Variants in TMEM132B observed in about 807,000 individuals in gnomAD.
The protein encoded by TMEM132B is transmembrane protein 132B.
A neutral mutation model predicts 90.8 loss-of-function variants in TMEM132B; 18 were observed. The ratio of observed to expected loss-of-function variants is 0.20; its 90% CI spans 0.14 to 0.29. TMEM132B has a LOEUF of 0.29. Among genes scored for constraint, TMEM132B ranks in the 10% least tolerant of loss-of-function variants. The probability of loss-of-function intolerance (pLI) is 1.00; values close to 1 mark genes in which losing one functional copy is unlikely to be tolerated. For missense variants in TMEM132B, 1,096 were observed against 1,326.8 expected (o/e 0.83, Z 2.70); for synonymous variants, 504 against 523.3 (o/e 0.96, Z 0.50).
chr12:125,623,474 T>C (rs550829507), intron 5 of TMEM132B, among the ~76,000 whole-genome samples: 1 of 152,120 alleles, frequency 6.6e-6, no homozygotes, highest in South Asian at 2.1e-4. Flanking sequence ...CCAAGCAGAT[T>C]CCAGAGATTG....
intron 3 of TMEM132B, among the ~76,000 whole-genome samples, chr12:125,486,183 A>C (rs950674182): frequency 1.3e-5 from 2 of 152,224 alleles, no homozygotes; most frequent in African/African-American, 4.8e-5. Flanking sequence ...GATCTTGGTG[A>C]AGAGACAGCC....
chr12:125,475,405 C>T (rs1485924053), intron 3 of TMEM132B, among the ~76,000 whole-genome samples: 1 of 152,056 alleles, frequency 6.6e-6, no homozygotes, highest in African/African-American at 2.4e-5. Flanking sequence ...TTGAAGGATG[C>T]AAAGTATTGA....
rs772460682 is a variant in TMEM132B at position 125,655,837 on chromosome 12, A to G, written c.*1127A>G. The G allele has an allele frequency of 6.6e-6, 1 of 152,134 alleles. No homozygotes were observed. The highest frequency in any genetic ancestry group is 1.5e-5 in the Non-Finnish European group (1 of 68,032). 9.4% of individuals were successfully genotyped at this position (152,134 alleles called of 1,614,324 possible). ...TAGAATGACAGTTCAAGTTAGCAATATATAGAAATCCATCCATACAATGAC... is the reference window on the plus strand; with the variant it reads ...TAGAATGACAGTTCAAGTTAGCAATGTATAGAAATCCATCCATACAATGAC... On this transcript the variant is annotated 3_prime_UTR_variant, in exon 9 of 9. Transcript: ENST00000682704.
At position 125,536,003 on chromosome 12, in the gene TMEM132B, A is replaced by G. The variant is rs2136710036; in HGVS notation, c.1293+16378A>G. ...GGCTGTTAAGAATTCCCCCATGAAA[A>G]GCAGCCACAACAAGCCAGGATTGCT... On this transcript the variant is annotated intron_variant, in intron 4 of 8. Transcript: ENST00000682704. Among the ~76,000 whole-genome samples the G allele has an allele frequency of 1.3e-5, 2 of 152,320 alleles. 1 individual carries two copies. Among genetic ancestry groups the G allele is most frequent in the Middle Eastern group, 6.8e-3 (2 of 292 alleles).
intron 3 of TMEM132B, among the ~76,000 whole-genome samples, chr12:125,487,969 C>T (rs1485079687): frequency 6.6e-6 from 1 of 152,066 alleles, no homozygotes; most frequent in African/African-American, 2.4e-5. Flanking sequence ...TTTGTCTCTT[C>T]CATTGTAAAC....
At chr12:125,456,541 G>T in intron 3 of TMEM132B, among the ~76,000 whole-genome samples, 1 of 152,222 alleles carries the variant, frequency 6.6e-6, no homozygotes, top group East Asian at 1.9e-4. Flanking sequence ...GTGGGGCTTT[G>T]CCTGCTGAGG....
intron 1 of TMEM132B, among the ~76,000 whole-genome samples, chr12:125,342,815 C>T (rs1053019212): frequency 6.6e-5 from 10 of 152,240 alleles, no homozygotes; most frequent in African/African-American, 1.4e-4. Flanking sequence ...GCCTGATGAC[C>T]GGCTGCCACT....
intron 1 of TMEM132B, among the ~76,000 whole-genome samples, chr12:125,266,704 A>G (rs1016943629): frequency 6.6e-6 from 1 of 152,200 alleles, no homozygotes; most frequent in African/African-American, 2.4e-5. Flanking sequence ...TTTTCTTTTG[A>G]TACTTCAATG....
At chr12:125,325,054 T>C (rs1487340886) in intron 1 of TMEM132B, among the ~76,000 whole-genome samples, 1 of 152,234 alleles carries the variant, frequency 6.6e-6, no homozygotes, top group East Asian at 1.9e-4. Context: ...TCCACTGAGA[T>C]AGCTGATAAC....
intron 5 of TMEM132B, among the ~76,000 whole-genome samples, chr12:125,612,567 T>C (rs890848681): frequency 6.9e-6 from 1 of 145,038 alleles, no homozygotes; most frequent in Non-Finnish European, 1.5e-5. Flanking sequence ...ATATATATAA[T>C]ATATATAAAA....
intron 2 of TMEM132B, among the ~76,000 whole-genome samples, chr12:125,362,007 G>A (rs761383001): frequency 1.3e-5 from 2 of 152,198 alleles, no homozygotes; most frequent in Non-Finnish European, 2.9e-5. Context: ...GATATGCCAT[G>A]GCCTTAGCCC....
chr12:125,208,180 G>T (rs985186501), intron 1 of TMEM132B, among the ~76,000 whole-genome samples: 4 of 152,204 alleles, frequency 2.6e-5, no homozygotes, highest in African/African-American at 9.6e-5. Context: ...GGCATGTCTG[G>T]TGTAACTAGT....
At chr12:125,564,639 T>A (rs1016414522) in intron 4 of TMEM132B, among the ~76,000 whole-genome samples, 4 of 152,248 alleles carry the variant, frequency 2.6e-5, no homozygotes, top group African/African-American at 9.6e-5. Flanking sequence ...TTCGATCTTT[T>A]CTTTTCAAGG....
chr12:125,312,281 G>A (rs1876142003), intron 1 of TMEM132B, among the ~76,000 whole-genome samples: 3 of 152,164 alleles, frequency 2.0e-5, no homozygotes, highest in Admixed American at 6.5e-5. Context: ...TCATCCCATC[G>A]TTGCCCAGCA....
At chr12:125,510,427 C>T (rs1008447428) in intron 3 of TMEM132B, among the ~76,000 whole-genome samples, 3 of 151,938 alleles carry the variant, frequency 2.0e-5, no homozygotes, top group Non-Finnish European at 2.9e-5. Flanking sequence ...ATGGGTTGGC[C>T]GACTGATTAT....
At chr12:125,281,496 T>C (rs1333400276) in intron 1 of TMEM132B, among the ~76,000 whole-genome samples, 2 of 152,204 alleles carry the variant, frequency 1.3e-5, no homozygotes, top group African/African-American at 2.4e-5. Context: ...TCTTGCTTTC[T>C]GTGTTTGAGC....
chr12:125,314,114 G>GTT (rs1312339921), intron 1 of TMEM132B, among the ~76,000 whole-genome samples: 137 of 152,270 alleles, frequency 9.0e-4, no homozygotes, highest in African/African-American at 3.0e-3. Flanking sequence ...TGTGTGCAGA[G>GTT]AGCTTAGCTG....
chr12:125,479,018 A>G lies in TMEM132B; in HGVS notation c.1107-40421A>G, dbSNP rs188625173. 4.6e-5 allele frequency among the ~76,000 whole-genome samples: 7 copies of G among 152,350 alleles called. 2 individuals carry two copies. Among genetic ancestry groups the G allele is most frequent in the South Asian group, 2.1e-4 (1 of 4,822 alleles). On this transcript the variant is annotated intron_variant, in intron 3 of 8. Transcript: ENST00000682704. ...TTCATATCCAGCCAAACTAAGCTTC[A>G]TAAGCGAAGGAGAAATAAAATCCTT...
chr12:125,361,310 C>T (rs1877950280), intron 2 of TMEM132B, among the ~76,000 whole-genome samples: 1 of 152,108 alleles, frequency 6.6e-6, no homozygotes, highest in South Asian at 2.1e-4. Flanking sequence ...AGTCACTTGC[C>T]CAAGGGTCAC....
Sources: gnomAD v4.1 joint callset for allele counts (sites outside exome capture counted in the v4.1 genomes callset) on GRCh38, gnomAD v4.1.1 for gene constraint, MANE v1.5 for transcripts, NCBI Gene and HGNC (gene_info 2026-07-23, HGNC 2026-07-21) for gene names.